Variants in LGSN observed in about 807,000 individuals in gnomAD.
The protein encoded by LGSN is lengsin.
LGSN carries 21 observed loss-of-function variants against 19.5 expected under a neutral mutation model. The observed-to-expected ratio is 1.07, with a 90% CI of 0.76 to 1.55. LGSN has a LOEUF of 1.55. LGSN is among the 40% of genes most tolerant of loss of function. The probability of loss-of-function intolerance (pLI) is 0.00; values close to 1 mark genes in which losing one functional copy is unlikely to be tolerated. For synonymous variants in LGSN, 257 were observed against 215.6 expected (o/e 1.19, Z -1.68); for missense variants, 673 against 608.5 (o/e 1.11, Z -1.12).
the LGSN span, among the ~76,000 whole-genome samples, chr6:63,447,154 T>C: frequency 6.6e-6 from 1 of 152,264 alleles, no homozygotes; most frequent in Non-Finnish European, 1.5e-5. Context: ...CTTGCTAAAC[T>C]AATGCAGACT....
At chr6:63,513,932 A>AC in the LGSN span, among the ~76,000 whole-genome samples, 42,281 of 114,344 alleles carry the variant, frequency 0.37, 11,259 homozygotes, top group African/African-American at 0.54. Flanking sequence ...AAAAAAAAAA[A>AC]AAAACACTGG....
At chr6:63,343,171 T>C in the LGSN span, among the ~76,000 whole-genome samples, 1 of 152,348 alleles carries the variant, frequency 6.6e-6, no homozygotes, top group African/African-American at 2.4e-5. Flanking sequence ...ACCAATAAAA[T>C]AGTTGAAAGA....
At chr6:63,509,429 A>G in the LGSN span, among the ~76,000 whole-genome samples, 40 of 152,260 alleles carry the variant, frequency 2.6e-4, no homozygotes, top group African/African-American at 8.2e-4. Flanking sequence ...ACAAAATTCA[A>G]TGAAATCGAG....
chr6:63,325,507 C>T, the LGSN span, among the ~76,000 whole-genome samples: 1 of 152,066 alleles, frequency 6.6e-6, no homozygotes, highest in African/African-American at 2.4e-5. Context: ...GGAGAAATTC[C>T]TAGAAACATA....
the LGSN span, among the ~76,000 whole-genome samples, chr6:63,461,762 T>C: frequency 6.6e-6 from 1 of 152,226 alleles, no homozygotes; most frequent in Non-Finnish European, 1.5e-5. Flanking sequence ...CTACTTTCTA[T>C]TAATTTGTAT....
At chr6:63,494,435 A>G in the LGSN span, among the ~76,000 whole-genome samples, 1 of 152,196 alleles carries the variant, frequency 6.6e-6, no homozygotes, top group African/African-American at 2.4e-5. Context: ...TAAGAGTGCC[A>G]AGAAATAAAG....
chr6:63,293,807 T>C (rs1442148382), intron 2 of LGSN: 1 of 456,186 alleles, frequency 2.2e-6, no homozygotes, highest in East Asian at 7.0e-5. Context: ...CCATGATAGG[T>C]TTGCTTGTGT....
chr6:63,401,589 A>G, the LGSN span, among the ~76,000 whole-genome samples: 12 of 152,352 alleles, frequency 7.9e-5, no homozygotes, highest in African/African-American at 2.6e-4. Flanking sequence ...TACAAAAAGC[A>G]AAATTTAAAC....
the LGSN span, among the ~76,000 whole-genome samples, chr6:63,536,386 G>C: frequency 2.2e-4 from 33 of 152,208 alleles, 1 homozygote; most frequent in African/African-American, 7.9e-4. Context: ...TTTTGACACA[G>C]GTCATTTTAT....
the LGSN span, among the ~76,000 whole-genome samples, chr6:63,402,894 G>T: frequency 1.3e-5 from 2 of 151,672 alleles, no homozygotes; most frequent in African/African-American, 4.8e-5. Flanking sequence ...GAAGTTCTTA[G>T]AAAAAAACTG....
chr6:63,540,383 G>A, the LGSN span, among the ~76,000 whole-genome samples: 5 of 152,168 alleles, frequency 3.3e-5, no homozygotes, highest in African/African-American at 1.2e-4. Context: ...CACTTTGGGA[G>A]GCTGAGGCAG....
chr6:63,319,520 A>G (rs1769005363), intron 1 of LGSN, among the ~76,000 whole-genome samples: 1 of 152,180 alleles, frequency 6.6e-6, no homozygotes, highest in Non-Finnish European at 1.5e-5. Flanking sequence ...ACAGGTTTCC[A>G]CCTTTAGTCA....
At chr6:63,378,650 G>C in the LGSN span, among the ~76,000 whole-genome samples, 129 of 152,304 alleles carry the variant, frequency 8.5e-4, no homozygotes, top group Non-Finnish European at 1.5e-3. Context: ...ACACGTGAGA[G>C]AGGAGGCAAG....
the LGSN span, among the ~76,000 whole-genome samples, chr6:63,501,110 G>T: frequency 6.6e-6 from 1 of 152,088 alleles, no homozygotes; most frequent in African/African-American, 2.4e-5. Context: ...GGTGGCTCAT[G>T]CCTATAGTCC....
the LGSN span, among the ~76,000 whole-genome samples, chr6:63,355,960 T>A: frequency 6.6e-6 from 1 of 152,220 alleles, no homozygotes; most frequent in Non-Finnish European, 1.5e-5. Context: ...ATTACAGGCG[T>A]GAGCCACTGG....
the LGSN span, among the ~76,000 whole-genome samples, chr6:63,530,655 T>C: frequency 1.3e-5 from 2 of 152,162 alleles, no homozygotes; most frequent in Non-Finnish European, 1.5e-5. Flanking sequence ...TAAAATTGTA[T>C]TAAACTATCA....
chr6:63,339,609 C>G, the LGSN span, among the ~76,000 whole-genome samples: 2 of 152,220 alleles, frequency 1.3e-5, no homozygotes, highest in Non-Finnish European at 2.9e-5. Flanking sequence ...ATAGTTCAGT[C>G]TTGGTTTTTT....
At chr6:63,506,501 G>A in the LGSN span, among the ~76,000 whole-genome samples, 1 of 151,746 alleles carries the variant, frequency 6.6e-6, no homozygotes, top group African/African-American at 2.4e-5. Context: ...CTGACCTCGT[G>A]ATCCACCCTC....
At chr6:63,334,574 T>C in the LGSN span, among the ~76,000 whole-genome samples, 1 of 152,170 alleles carries the variant, frequency 6.6e-6, no homozygotes, top group Admixed American at 6.5e-5. Context: ...CCTATCAAAA[T>C]ATTAATGTCG....
Sources: allele counts gnomAD v4.1 joint callset (sites outside exome capture counted in the v4.1 genomes callset), GRCh38; gene constraint gnomAD v4.1.1; transcripts MANE v1.5; gene names NCBI Gene and HGNC (gene_info 2026-07-23, HGNC 2026-07-21).